Variants in FER1L6 observed in about 807,000 individuals in gnomAD.
The protein encoded by FER1L6 is fer-1-like protein 6.
FER1L6 carries 177 observed loss-of-function variants against 219.2 expected under a neutral mutation model. The observed-to-expected ratio is 0.81, with a 90% CI of 0.71 to 0.91. The LOEUF is 0.91. FER1L6 is among the 40% of genes least tolerant of loss of function. FER1L6 has a pLI of 0.00. For synonymous variants in FER1L6, 768 were observed against 824.3 expected, an observed-to-expected ratio of 0.93 and a Z score of 1.17; for missense variants, 2,153 against 2,259.9, an observed-to-expected ratio of 0.95 and a Z score of 0.96.
chr8:123,974,191 G>A (rs1815946399), intron 7 of FER1L6, among the ~76,000 whole-genome samples: 1 of 152,188 alleles, frequency 6.6e-6, no homozygotes, highest in African/African-American at 2.4e-5. Flanking sequence ...TGTGACTGTG[G>A]GGGCCAGACA....
intron 14 of FER1L6, 33 bp from the exon 15 acceptor site, chr8:124,013,398 C>A (rs761937428): frequency 1.2e-5 from 16 of 1,342,636 alleles, no homozygotes; most frequent in Non-Finnish European, 1.7e-5. Flanking sequence ...ATTACCACCG[C>A]CTCATCTCTC....
At chr8:123,927,603 G>A (rs1813616872) in intron 1 of FER1L6, among the ~76,000 whole-genome samples, 1 of 152,134 alleles carries the variant, frequency 6.6e-6, no homozygotes, top group African/African-American at 2.4e-5. Context: ...TTTTGTAGCA[G>A]CACCATTTGT....
At chr8:123,938,673 A>C (rs772612763) in intron 1 of FER1L6, among the ~76,000 whole-genome samples, 6 of 151,122 alleles carry the variant, frequency 4.0e-5, no homozygotes, top group Non-Finnish European at 5.9e-5. Context: ...CAGCCTCCTG[A>C]GTAGCTGGGA....
intron 1 of FER1L6, among the ~76,000 whole-genome samples, chr8:123,881,639 A>C (rs768426681): frequency 6.6e-6 from 1 of 152,196 alleles, no homozygotes; most frequent in Non-Finnish European, 1.5e-5. Flanking sequence ...GGAAATTAAA[A>C]GGGTAAAGCT....
chr8:124,116,368 C>T (rs1362483721), intron 39 of FER1L6, among the ~76,000 whole-genome samples: 2 of 148,890 alleles, frequency 1.3e-5, no homozygotes, highest in African/African-American at 2.5e-5. Context: ...CATGAAACAC[C>T]ATGCAAGTTA....
At chr8:123,976,580 T>C (rs1482943715) in intron 9 of FER1L6, among the ~76,000 whole-genome samples, 6 of 151,776 alleles carry the variant, frequency 4.0e-5, no homozygotes, top group African/African-American at 1.5e-4. Flanking sequence ...TCACTCTTCA[T>C]TGGAGAAAAT....
intron 15 of FER1L6, 56 bp downstream of exon 15, chr8:124,013,587 T>C (rs1818042489): frequency 1.6e-6 from 2 of 1,231,718 alleles, no homozygotes; most frequent in African/African-American, 3.0e-5. Flanking sequence ...TCTCAGCTTT[T>C]AATTACCTTG....
At position 124,000,760 on chromosome 8, in the gene FER1L6, T is replaced by G. The variant is rs1185481460; in HGVS notation, c.1520-2407T>G. Among the ~76,000 whole-genome samples, 11 of 152,314 alleles carry G rather than the reference T, an allele frequency of 7.2e-5. No homozygotes were observed. The East Asian group carries it at 2.1e-3, about 29-fold the overall frequency. ...GCATTCCATCACAGAAGGTCATGAT[T>G]TATATTCAGGAAGCTCTCTTTCAAC... On this transcript the variant is annotated intron_variant, in intron 12 of 40. Transcript: ENST00000522917.
chr8:123,885,548 C>CAT (rs987358038), intron 1 of FER1L6, among the ~76,000 whole-genome samples: 2 of 152,158 alleles, frequency 1.3e-5, no homozygotes, highest in Non-Finnish European at 2.9e-5. Context: ...AATTATTCTT[C>CAT]ATATATATTA....
chr8:124,001,429 C>G (rs1165310235), intron 12 of FER1L6, among the ~76,000 whole-genome samples: 3 of 152,294 alleles, frequency 2.0e-5, no homozygotes, highest in Middle Eastern at 6.8e-3. Context: ...TGCTTCTCTG[C>G]TCTCATGCTC....
chr8:124,076,407 T>G, intron 32 of FER1L6, 82 bp downstream of exon 32: 1 of 1,345,016 alleles, frequency 7.4e-7, no homozygotes, highest in Non-Finnish European at 1.1e-6. Context: ...TGCGTGTATG[T>G]TTGTGTTCCT....
chr8:123,894,498 A>G (rs1408263790), intron 1 of FER1L6, among the ~76,000 whole-genome samples: 1 of 152,208 alleles, frequency 6.6e-6, no homozygotes, highest in Non-Finnish European at 1.5e-5. Context: ...AGTGAGATAA[A>G]TCATGAGAAA....
At chr8:124,011,642 C>G (rs992996187) in intron 14 of FER1L6, among the ~76,000 whole-genome samples, 2 of 150,322 alleles carry the variant, frequency 1.3e-5, no homozygotes, top group African/African-American at 5.0e-5. Flanking sequence ...TGCCACCATG[C>G]CTGACTTTTT....
At chr8:124,046,016 A>G (rs981502019) in intron 21 of FER1L6, 115 bp downstream of exon 21, 3 of 1,250,052 alleles carry the variant, frequency 2.4e-6, no homozygotes, top group Middle Eastern at 2.6e-4. Flanking sequence ...TGAGAACACT[A>G]GATGTACCTA....
chr8:124,063,318 G>A (rs1245790590), intron 25 of FER1L6, among the ~76,000 whole-genome samples: 4 of 152,014 alleles, frequency 2.6e-5, no homozygotes, highest in Non-Finnish European at 5.9e-5. Context: ...ACCCCTCCAT[G>A]TTTTAAACTT....
intron 1 of FER1L6, among the ~76,000 whole-genome samples, chr8:123,866,031 T>A (rs1276740164): frequency 6.6e-6 from 1 of 151,546 alleles, no homozygotes; most frequent in Non-Finnish European, 1.5e-5. Flanking sequence ...ATCCAGTCTA[T>A]CACTGTTGGA....
chr8:123,977,605 C>T lies in FER1L6; in HGVS notation c.1059C>T (p.Asp353=). Residue 353 remains aspartate (D), a synonymous_variant, in exon 10 of 41, where the codon GAC becomes GAT. Coordinates refer to ENST00000522917, the MANE Select transcript of FER1L6 (RefSeq NM_001039112.2). The part of the protein sequence containing the change: ...LKKISNEQDG[D]KGFLPTFGPA... ...AAATCTCCAACGAACAGGATGGAGA[C>T]AAAGGTAAAGTCCCATCCATCTGAC... The T allele has an allele frequency of 6.2e-7, 1 of 1,613,602 alleles. No individual in the cohort carries two copies. The highest frequency in any genetic ancestry group is 1.1e-5 in the South Asian group (1 of 91,020).
At chr8:123,944,700 A>G (rs1380287010) in intron 1 of FER1L6, among the ~76,000 whole-genome samples, 1 of 152,180 alleles carries the variant, frequency 6.6e-6, no homozygotes, top group Non-Finnish European at 1.5e-5. Flanking sequence ...GTCACACACT[A>G]TATGAGGTAC....
intron 22 of FER1L6, among the ~76,000 whole-genome samples, chr8:124,057,204 A>G (rs1820337855): frequency 6.6e-6 from 1 of 152,134 alleles, no homozygotes; most frequent in African/African-American, 2.4e-5. Context: ...CGCTGTGCCC[A>G]TTAAATTTCC....
Sources: gnomAD v4.1 joint callset for allele counts (sites outside exome capture counted in the v4.1 genomes callset) on GRCh38, gnomAD v4.1.1 for gene constraint, MANE v1.5 for transcripts, NCBI Gene and HGNC (gene_info 2026-07-23, HGNC 2026-07-21) for gene names.